The following DPYD variants were observed in gnomAD, a reference collection of about 807,000 sequenced individuals.
DPYD encodes dihydropyrimidine dehydrogenase.
A neutral mutation model predicts 116.2 loss-of-function variants in DPYD; 109 were observed. The ratio of observed to expected loss-of-function variants is 0.94; its 90% CI spans 0.80 to 1.10. The LOEUF is 1.10. DPYD is among the 50% of genes least tolerant of loss of function. The pLI, the probability that DPYD is intolerant of heterozygous loss-of-function variation, is 0.00. For missense variants in DPYD, 1,302 were observed against 1,254.5 expected, an observed-to-expected ratio of 1.04 and a Z score of -0.57; for synonymous variants, 440 against 432.0, an observed-to-expected ratio of 1.02 and a Z score of -0.23.
intron 11 of DPYD, among the ~76,000 whole-genome samples, chr1:97,567,524 T>A (rs1186289366): frequency 6.6e-6 from 1 of 151,866 alleles, no homozygotes; most frequent in Admixed American, 6.6e-5. Context: ...AACAGAAGGG[T>A]CGTATCTTCC....
chr1:97,539,343 A>G (rs1055676936), intron 12 of DPYD, among the ~76,000 whole-genome samples: 1 of 152,096 alleles, frequency 6.6e-6, no homozygotes, highest in African/African-American at 2.4e-5. Flanking sequence ...AATGAATCCC[A>G]CTTGGAAGAA....
intron 20 of DPYD, among the ~76,000 whole-genome samples, chr1:97,158,248 T>C (rs1246560340): frequency 6.6e-6 from 1 of 152,008 alleles, no homozygotes; most frequent in Non-Finnish European, 1.5e-5. Flanking sequence ...TTACTCTGAT[T>C]TAGCGATGGC....
chr1:97,546,339 T>C (rs1035501974), intron 12 of DPYD: 62 of 1,417,216 alleles, frequency 4.4e-5, no homozygotes, highest in Non-Finnish European at 5.9e-5. Context: ...AGCTGGCAAA[T>C]GGAGTTGTTG....
intron 12 of DPYD, among the ~76,000 whole-genome samples, chr1:97,540,374 A>T (rs1650351748): frequency 1.7e-5 from 2 of 119,200 alleles, no homozygotes; most frequent in African/African-American, 5.5e-5. Flanking sequence ...AAACAAAACA[A>T]AACAAAACAA....
At chr1:97,741,079 C>T (rs1287354453) in intron 3 of DPYD, among the ~76,000 whole-genome samples, 1 of 152,072 alleles carries the variant, frequency 6.6e-6, no homozygotes, top group Non-Finnish European at 1.5e-5. Context: ...GCTTTATTCC[C>T]ACAGCTGCCT....
chr1:97,269,724 C>T (rs888227022), intron 18 of DPYD, among the ~76,000 whole-genome samples: 2 of 152,084 alleles, frequency 1.3e-5, no homozygotes, highest in African/African-American at 4.8e-5. Flanking sequence ...TCTTCCTCTT[C>T]TTATAAAGTC....
At chr1:97,351,807 G>C (rs1017030057) in intron 16 of DPYD, among the ~76,000 whole-genome samples, 5 of 152,008 alleles carry the variant, frequency 3.3e-5, no homozygotes, top group African/African-American at 1.2e-4. Flanking sequence ...AATCAGTCAG[G>C]CAAATAAAAG....
chr1:97,896,446 T>G (rs1558038751), intron 1 of DPYD, among the ~76,000 whole-genome samples: 1 of 151,858 alleles, frequency 6.6e-6, no homozygotes, highest in Non-Finnish European at 1.5e-5. Flanking sequence ...TACCCAACAT[T>G]CTTTGTGCAT....
intron 12 of DPYD, among the ~76,000 whole-genome samples, chr1:97,534,007 T>C (rs1406543407): frequency 4.6e-5 from 7 of 152,156 alleles, no homozygotes; most frequent in African/African-American, 1.7e-4. Context: ...CTATCACCAC[T>C]GAGCCATGTG....
chr1:97,280,644 A>C (rs1349270620), intron 18 of DPYD, among the ~76,000 whole-genome samples: 1 of 152,210 alleles, frequency 6.6e-6, no homozygotes, highest in African/African-American at 2.4e-5. Context: ...AGGCAGAGTA[A>C]GACAAATACT....
intron 1 of DPYD, among the ~76,000 whole-genome samples, chr1:97,893,459 T>TATAC (rs1294221268): frequency 7.0e-6 from 1 of 143,874 alleles, no homozygotes; most frequent in Non-Finnish European, 1.5e-5. Context: ...TATATATATA[T>TATAC]ATAGCAATGG....
chr1:97,607,291 T>C (rs1266870636), intron 8 of DPYD, among the ~76,000 whole-genome samples: 2 of 151,978 alleles, frequency 1.3e-5, no homozygotes, highest in African/African-American at 4.8e-5. Flanking sequence ...TGTATCTCAA[T>C]AGCCTATACG....
At chr1:97,391,390 C>T (rs12021567) in intron 14 of DPYD, among the ~76,000 whole-genome samples, 29,107 of 151,832 alleles carry the variant, frequency 0.19, 2,951 homozygotes, top group South Asian at 0.36. Flanking sequence ...TGTCCCAGAT[C>T]AGAAAACTAG....
At chr1:97,687,659 A>T (rs995403596) in intron 7 of DPYD, among the ~76,000 whole-genome samples, 1 of 152,200 alleles carries the variant, frequency 6.6e-6, no homozygotes, top group Non-Finnish European at 1.5e-5. Flanking sequence ...TCATTCTGTT[A>T]TAAAGATACA....
At chr1:97,595,002 T>C (rs1327821964) in intron 9 of DPYD, 57 bp downstream of exon 9, 3 of 1,356,830 alleles carry the variant, frequency 2.2e-6, no homozygotes, top group Admixed American at 3.4e-5. Flanking sequence ...TTGATATTAA[T>C]TTATCATAAA....
intron 19 of DPYD, among the ~76,000 whole-genome samples, chr1:97,229,049 A>C (rs935105795): frequency 9.9e-5 from 15 of 151,456 alleles, no homozygotes; most frequent in South Asian, 2.1e-4. Flanking sequence ...TACACACACA[A>C]AAAAATTAGC....
intron 2 of DPYD, among the ~76,000 whole-genome samples, chr1:97,839,821 A>T (rs943881609): frequency 1.3e-5 from 2 of 152,192 alleles, no homozygotes; most frequent in Non-Finnish European, 2.9e-5. Context: ...GCAATGTATG[A>T]AAGAGCTTAG....
chr1:97,185,351 T>C (rs183776748), intron 20 of DPYD, among the ~76,000 whole-genome samples: 3 of 152,198 alleles, frequency 2.0e-5, no homozygotes, highest in East Asian at 1.9e-4. Context: ...GGCTGGAACA[T>C]AGAAGAACCA....
chr1:97,652,133 T>C (rs1234077393), intron 8 of DPYD, among the ~76,000 whole-genome samples: 1 of 152,120 alleles, frequency 6.6e-6, no homozygotes. Flanking sequence ...TAAATAGTCA[T>C]ATAACCTAAA....
Sources: gnomAD v4.1 joint callset for allele counts (sites outside exome capture counted in the v4.1 genomes callset) on GRCh38, gnomAD v4.1.1 for gene constraint, MANE v1.5 for transcripts, NCBI Gene and HGNC (gene_info 2026-07-23, HGNC 2026-07-21) for gene names.